RRAS2: variants seen among roughly 807,000 people sequenced by gnomAD.
RRAS2 encodes the protein RAS related 2.
In RRAS2, 7 loss-of-function variants were observed where a neutral mutation model predicts 27.6. The observed-to-expected ratio is 0.25, with a 90% CI of 0.14 to 0.48. The LOEUF (loss-of-function observed/expected upper bound fraction) is 0.48, where lower values mean the gene tolerates loss of function less well. RRAS2 is among the 20% of genes least tolerant of loss of function. The probability of loss-of-function intolerance (pLI) is 0.99; values close to 1 mark genes in which losing one functional copy is unlikely to be tolerated. For missense variants in RRAS2, 178 were observed against 256.2 expected (o/e 0.69, Z 2.08); for synonymous variants, 86 against 90.9 (o/e 0.95, Z 0.31).
chr11:14,351,787 C>A (rs1229930163), intron 1 of RRAS2, among the ~76,000 whole-genome samples: 3 of 147,806 alleles, frequency 2.0e-5, no homozygotes, highest in Non-Finnish European at 4.5e-5. Context: ...CTCAGCTACT[C>A]GGGAGGCTGA....
At chr11:14,280,144 A>G (rs1849483027) in intron 5 of RRAS2, among the ~76,000 whole-genome samples, 1 of 152,188 alleles carries the variant, frequency 6.6e-6, no homozygotes, top group African/African-American at 2.4e-5. Flanking sequence ...TAAAATACAT[A>G]TAACATAAAA....
intron 4 of RRAS2, among the ~76,000 whole-genome samples, chr11:14,288,506 CAA>C (rs1849723809): frequency 6.6e-6 from 1 of 152,126 alleles, no homozygotes; most frequent in African/African-American, 2.4e-5. Flanking sequence ...AGTTAGAAAT[CAA>C]AAGAAAACTG....
chr11:14,321,226 A>G (rs1184787124), intron 1 of RRAS2, among the ~76,000 whole-genome samples: 1 of 152,192 alleles, frequency 6.6e-6, no homozygotes, highest in African/African-American at 2.4e-5. Flanking sequence ...ACGCACGTCA[A>G]TATTTTAAAA....
upstream of RRAS2, among the ~76,000 whole-genome samples, chr11:14,361,242 G>A (rs1443252455): frequency 6.6e-6 from 1 of 151,580 alleles, no homozygotes; most frequent in Non-Finnish European, 1.5e-5. Flanking sequence ...AGCCAAGATC[G>A]TGAGATCACG....
chr11:14,285,069 T>C (rs1849627041), intron 4 of RRAS2, among the ~76,000 whole-genome samples: 2 of 152,244 alleles, frequency 1.3e-5, no homozygotes, highest in African/African-American at 4.8e-5. Context: ...TTGTTCTAGT[T>C]GTCTTCTTTC....
chr11:14,324,051 T>G (rs1260741554), intron 1 of RRAS2, among the ~76,000 whole-genome samples: 1 of 151,668 alleles, frequency 6.6e-6, no homozygotes, highest in Non-Finnish European at 1.5e-5. Flanking sequence ...CAAGTATGTA[T>G]GTCTACTATT....
upstream of RRAS2, among the ~76,000 whole-genome samples, chr11:14,359,365 A>C (rs1849157813): frequency 6.6e-6 from 1 of 152,214 alleles, no homozygotes; most frequent in Non-Finnish European, 1.5e-5. Context: ...GTCAGTTGGG[A>C]GTGGGACGAA....
At chr11:14,294,015 A>G (rs1356325467) in intron 4 of RRAS2, among the ~76,000 whole-genome samples, 1 of 152,258 alleles carries the variant, frequency 6.6e-6, no homozygotes, top group Admixed American at 6.5e-5. Flanking sequence ...CAGAAAATTC[A>G]GTCATTAAAG....
chr11:14,360,421 G>A (rs1287874805), upstream of RRAS2, among the ~76,000 whole-genome samples: 1 of 150,072 alleles, frequency 6.7e-6, no homozygotes, highest in Non-Finnish European at 1.5e-5. Context: ...TTTCTTTTTT[G>A]AGACAAGATC....
intron 1 of RRAS2, among the ~76,000 whole-genome samples, chr11:14,305,611 G>A (rs1847812045): frequency 6.6e-6 from 1 of 152,020 alleles, no homozygotes. Context: ...CAAAAACACT[G>A]TATCTCTCTT....
chr11:14,363,789 G>A (rs1347011779), upstream of RRAS2, among the ~76,000 whole-genome samples: 1 of 149,818 alleles, frequency 6.7e-6, no homozygotes, highest in Non-Finnish European at 1.5e-5. Context: ...AAATAAAATA[G>A]GCCAGGCATG....
intron 1 of RRAS2, among the ~76,000 whole-genome samples, chr11:14,325,142 C>T (rs540189238): frequency 2.7e-4 from 41 of 152,250 alleles, no homozygotes; most frequent in African/African-American, 8.7e-4. Flanking sequence ...TAGCTATCAT[C>T]GTATCTGAGC....
chr11:14,316,780 T>C (rs1848118186), intron 1 of RRAS2, among the ~76,000 whole-genome samples: 1 of 152,310 alleles, frequency 6.6e-6, no homozygotes, highest in East Asian at 1.9e-4. Flanking sequence ...AAACTCTCAT[T>C]TCAACTAACA....
At chr11:14,335,963 T>G (rs905990935) in intron 1 of RRAS2, among the ~76,000 whole-genome samples, 1 of 152,172 alleles carries the variant, frequency 6.6e-6, no homozygotes, top group Admixed American at 6.5e-5. Flanking sequence ...AAAAAACCTC[T>G]GCCCACACCA....
intron 1 of RRAS2, among the ~76,000 whole-genome samples, chr11:14,350,306 C>A (rs1554954596): frequency 6.6e-6 from 1 of 152,084 alleles, no homozygotes; most frequent in Non-Finnish European, 1.5e-5. Flanking sequence ...ATGAATCCCT[C>A]ATGAATAGAT....
At chr11:14,280,540 A>G (rs938655806) in intron 5 of RRAS2, among the ~76,000 whole-genome samples, 16 of 152,000 alleles carry the variant, frequency 1.1e-4, no homozygotes, top group African/African-American at 3.9e-4. Context: ...AGCCTGGCCA[A>G]TATGGTGAAA....
chr11:14,312,865 C>T (rs1272277535), intron 1 of RRAS2, among the ~76,000 whole-genome samples: 4 of 152,206 alleles, frequency 2.6e-5, no homozygotes, highest in African/African-American at 9.7e-5. Flanking sequence ...TCAAGTTCAT[C>T]TCAAAATGGG....
At chr11:14,293,326 T>C (rs1847464649) in intron 4 of RRAS2, among the ~76,000 whole-genome samples, 2 of 151,282 alleles carry the variant, frequency 1.3e-5, no homozygotes, top group African/African-American at 2.4e-5. Context: ...CCTAAGAATC[T>C]GTAAACACAA....
intron 1 of RRAS2, among the ~76,000 whole-genome samples, chr11:14,338,633 G>C (rs1277941643): frequency 6.6e-6 from 1 of 152,096 alleles, no homozygotes; most frequent in Non-Finnish European, 1.5e-5. Context: ...GAGTATTCTG[G>C]ATTTCAGATT....
Sources: allele counts gnomAD v4.1 joint callset (sites outside exome capture counted in the v4.1 genomes callset), GRCh38; gene constraint gnomAD v4.1.1; transcripts MANE v1.5; gene names NCBI Gene and HGNC (gene_info 2026-07-23, HGNC 2026-07-21).